ZFPM2: variants seen among roughly 807,000 people sequenced by gnomAD.
The protein encoded by ZFPM2 is zinc finger protein ZFPM2.
A neutral mutation model predicts 98.6 loss-of-function variants in ZFPM2; 20 were observed. The observed-to-expected ratio is 0.20, with a 90% CI of 0.14 to 0.29. ZFPM2 has a LOEUF of 0.29. Among genes scored for constraint, ZFPM2 ranks in the 10% least tolerant of loss-of-function variants. ZFPM2 has a pLI of 1.00. For synonymous variants in ZFPM2, 518 were observed against 502.7 expected (o/e 1.03, Z -0.41); for missense variants, 1,310 against 1,388.6 (o/e 0.94, Z 0.90).
intron 5 of ZFPM2, among the ~76,000 whole-genome samples, chr8:105,707,602 T>G (rs1447127443): frequency 6.6e-6 from 1 of 152,238 alleles, no homozygotes; most frequent in East Asian, 1.9e-4. Flanking sequence ...ACTGTTGCTA[T>G]CTGTTGAATT....
intron 3 of ZFPM2, among the ~76,000 whole-genome samples, chr8:105,501,186 T>C (rs1042295059): frequency 2.8e-4 from 23 of 83,418 alleles, no homozygotes; most frequent in Admixed American, 1.8e-3. Context: ...ACTTTTCTCT[T>C]TTTTTTTTTT....
intron 5 of ZFPM2, among the ~76,000 whole-genome samples, chr8:105,717,388 T>A (rs1359210629): frequency 6.6e-6 from 1 of 152,056 alleles, no homozygotes; most frequent in Non-Finnish European, 1.5e-5. Context: ...ATTGTCATTA[T>A]TTCTGCAAGA....
At chr8:105,475,127 G>C (rs1812986805) in intron 3 of ZFPM2, among the ~76,000 whole-genome samples, 1 of 152,140 alleles carries the variant, frequency 6.6e-6, no homozygotes, top group Non-Finnish European at 1.5e-5. Context: ...ATATAACTTA[G>C]AGGAGTGACA....
intron 3 of ZFPM2, among the ~76,000 whole-genome samples, chr8:105,529,684 CAAG>C (rs1814253509): frequency 6.6e-6 from 1 of 151,226 alleles, no homozygotes; most frequent in Non-Finnish European, 1.5e-5. Flanking sequence ...ATGGGAATTG[CAAG>C]AAGAAGAGCT....
At chr8:105,657,807 C>G (rs916370276) in intron 5 of ZFPM2, among the ~76,000 whole-genome samples, 2 of 152,118 alleles carry the variant, frequency 1.3e-5, no homozygotes, top group African/African-American at 4.8e-5. Flanking sequence ...CAAGACACAA[C>G]CTTGCCTACA....
In ZFPM2 at chr8:105,441,472, A is replaced by G. The variant is rs1216498059; in HGVS notation, c.200-2808A>G. The stretch of plus-strand genomic sequence containing the variant: ...AGAGAGAGAAAGAAAGAAAGAAAGA[A>G]AGAAAGAAAGAAAGAAAGAAAGAAA... On this transcript the variant is annotated intron_variant, in intron 2 of 7. Coordinates refer to ENST00000407775, the MANE Select transcript of ZFPM2 (RefSeq NM_012082.4). Among the ~76,000 whole-genome samples the G allele has an allele frequency of 2.0e-4, 17 of 86,590 alleles. 3 individuals are homozygous for G. The highest frequency in any genetic ancestry group is 1.2e-3 in the African/African-American group (15 of 12,910). The allele number at this position is 86,590 out of a possible 152,430, so 56.8% of individuals were successfully genotyped here.
chr8:105,557,064 G>A (rs1354574250), intron 3 of ZFPM2, among the ~76,000 whole-genome samples: 1 of 151,970 alleles, frequency 6.6e-6, no homozygotes, highest in African/African-American at 2.4e-5. Context: ...CAGATTCCTT[G>A]ATTGATTCCC....
chr8:105,451,211 T>A (rs1458230710), intron 3 of ZFPM2, among the ~76,000 whole-genome samples: 1 of 152,148 alleles, frequency 6.6e-6, no homozygotes, highest in Non-Finnish European at 1.5e-5. Flanking sequence ...AGATAATGAA[T>A]TTGAGATAAA....
intron 5 of ZFPM2, among the ~76,000 whole-genome samples, chr8:105,748,180 G>A (rs548588076): frequency 1.3e-5 from 2 of 152,094 alleles, no homozygotes; most frequent in South Asian, 2.1e-4. Context: ...AGGATAAAAG[G>A]CTTTAGTTAT....
At chr8:105,660,153 T>G (rs189649424) in intron 5 of ZFPM2, among the ~76,000 whole-genome samples, 1 of 152,048 alleles carries the variant, frequency 6.6e-6, no homozygotes, top group Admixed American at 6.5e-5. Flanking sequence ...TTTTTTTTTT[T>G]ATTAAACTTA....
In ZFPM2 at chr8:105,681,966, G is replaced by A. The variant is rs561420218; in HGVS notation, c.532+47609G>A. 1.1e-4 allele frequency among the ~76,000 whole-genome samples: 17 copies of A among 152,194 alleles called. No homozygotes were observed. In the East Asian group the frequency reaches 2.1e-3, roughly 19 times the overall value. On this transcript the variant is annotated intron_variant, in intron 5 of 7. Coordinates refer to ENST00000407775, the MANE Select transcript of ZFPM2 (RefSeq NM_012082.4). ...CTGCTCTATCTCCATTGTCTGATAC[G>A]TGCCTGATACAGTGTAGCTTCTCAA... is the stretch of plus-strand genomic sequence containing the variant.
chr8:105,710,813 TTC>T (rs1442172358), intron 5 of ZFPM2, among the ~76,000 whole-genome samples: 3 of 152,044 alleles, frequency 2.0e-5, no homozygotes, highest in Admixed American at 1.3e-4. Context: ...TTTTCTTAAT[TTC>T]TCTGTGTCTC....
chr8:105,409,223 A>G (rs1811527547), intron 1 of ZFPM2, among the ~76,000 whole-genome samples: 1 of 151,912 alleles, frequency 6.6e-6, no homozygotes, highest in Non-Finnish European at 1.5e-5. Flanking sequence ...CTCAAACAGC[A>G]TGCCATAATT....
At chr8:105,699,477 T>C (rs1157593545) in intron 5 of ZFPM2, among the ~76,000 whole-genome samples, 1 of 152,174 alleles carries the variant, frequency 6.6e-6, no homozygotes, top group Admixed American at 6.5e-5. Flanking sequence ...GGTATTTTTC[T>C]AAACATATAG....
chr8:105,708,691 G>T lies in ZFPM2; in HGVS notation c.532+74334G>T, dbSNP rs181478565. Among the ~76,000 whole-genome samples the T allele has an allele frequency of 5.0e-4, 76 of 152,234 alleles. 3 individuals carry two copies. The South Asian group carries it at 0.015, about 31-fold the overall frequency. ...ACTCCTGGGCTCAAGCGGTCCACCC[G>T]CCTCGGCCTTCCATAGTGCTGGGAT... On this transcript the variant is annotated intron_variant, in intron 5 of 7. Coordinates refer to ENST00000407775, the MANE Select transcript of ZFPM2 (RefSeq NM_012082.4).
At chr8:105,666,377 T>C (rs1345108947) in intron 5 of ZFPM2, among the ~76,000 whole-genome samples, 1 of 152,208 alleles carries the variant, frequency 6.6e-6, no homozygotes, top group Non-Finnish European at 1.5e-5. Flanking sequence ...CTCCAAAGAA[T>C]ACCTTTCTAT....
chr8:105,473,146 C>T (rs1195794564), intron 3 of ZFPM2, among the ~76,000 whole-genome samples: 1 of 152,072 alleles, frequency 6.6e-6, no homozygotes, highest in Non-Finnish European at 1.5e-5. Context: ...AAGTGATCCT[C>T]CTGCCTTGCT....
chr8:105,397,169 T>C (rs1438818118), intron 1 of ZFPM2, among the ~76,000 whole-genome samples: 1 of 152,156 alleles, frequency 6.6e-6, no homozygotes, highest in Admixed American at 6.5e-5. Context: ...TCATATCTTA[T>C]CTCTTTCAGC....
In ZFPM2 at chr8:105,750,513, ATCTT is replaced by A. The variant is rs561208635; in HGVS notation, c.533-38202_533-38199del. On this transcript the variant is annotated intron_variant, in intron 5 of 7. Transcript: ENST00000407775. ...GAAAATGAAATTAGATTAGTATAAT[ATCTT>A]TCAGGAAATTTTAAAAATGTGTATT... Among the ~76,000 whole-genome samples the A allele has an allele frequency of 1.6e-3, 237 of 152,222 alleles. 6 individuals are homozygous for A. The South Asian group carries it at 0.048, about 31-fold the overall frequency.
Sources: allele counts gnomAD v4.1 joint callset (sites outside exome capture counted in the v4.1 genomes callset), GRCh38; gene constraint gnomAD v4.1.1; transcripts MANE v1.5; gene names NCBI Gene and HGNC (gene_info 2026-07-23, HGNC 2026-07-21).